PEAK1: variants seen among roughly 807,000 people sequenced by gnomAD.
PEAK1 encodes the protein inactive tyrosine-protein kinase PEAK1.
In PEAK1, 54 loss-of-function variants were observed where a neutral mutation model predicts 124.7. The observed-to-expected ratio is 0.43, with a 90% CI of 0.35 to 0.54. The LOEUF (loss-of-function observed/expected upper bound fraction) is 0.54. PEAK1 is among the 20% of genes least tolerant of loss of function. The pLI is 0.01. For missense variants in PEAK1, 2,046 were observed against 2,134.5 expected (o/e 0.96, Z 0.82); for synonymous variants, 719 against 760.0 (o/e 0.95, Z 0.89).
chr15:77,225,629 A>ATGTG (rs146458404), intron 6 of PEAK1, among the ~76,000 whole-genome samples: 1,227 of 115,742 alleles, frequency 0.011, 16 homozygotes, highest in African/African-American at 0.033. Context: ...CTTTCTACAG[A>ATGTG]TGTGTGTGTG....
intron 8 of PEAK1, among the ~76,000 whole-genome samples, chr15:77,139,355 T>G (rs2053589500): frequency 6.6e-6 from 1 of 152,100 alleles, no homozygotes; most frequent in African/African-American, 2.4e-5. Flanking sequence ...AAAGTTATGG[T>G]AATAGTACAG....
At chr15:77,170,027 A>G (rs547239789) in intron 7 of PEAK1, among the ~76,000 whole-genome samples, 106 of 152,298 alleles carry the variant, frequency 7.0e-4, no homozygotes, top group Non-Finnish European at 1.1e-3. Context: ...CCGAATATTT[A>G]TAGTTTTAAA....
chr15:77,330,564 C>T (rs2065833085), intron 2 of PEAK1, among the ~76,000 whole-genome samples: 2 of 152,168 alleles, frequency 1.3e-5, no homozygotes, highest in Non-Finnish European at 1.5e-5. Context: ...ATTCTCCTCC[C>T]TGGTTTAACT....
At chr15:77,150,431 A>C (rs2054511476) in intron 8 of PEAK1, among the ~76,000 whole-genome samples, 1 of 152,158 alleles carries the variant, frequency 6.6e-6, no homozygotes, top group Non-Finnish European at 1.5e-5. Context: ...AGGCACTTAG[A>C]ATATTCACAG....
At chr15:77,348,712 C>G in intron 2 of PEAK1, 1 of 983,824 alleles carries the variant, frequency 1.0e-6, no homozygotes, top group South Asian at 4.7e-5. Flanking sequence ...CGGGAAAACC[C>G]AAGGCACCAA....
intron 1 of PEAK1, among the ~76,000 whole-genome samples, chr15:77,405,337 C>T (rs935198661): frequency 3.9e-5 from 6 of 152,110 alleles, no homozygotes; most frequent in African/African-American, 1.4e-4. Context: ...TGTATATATA[C>T]ACAAAAAGGC....
At chr15:77,303,015 C>T (rs1466914385) in intron 2 of PEAK1, among the ~76,000 whole-genome samples, 3 of 152,172 alleles carry the variant, frequency 2.0e-5, no homozygotes, top group African/African-American at 7.2e-5. Flanking sequence ...TATAACTGGA[C>T]TCACAGAGCA....
chr15:77,381,381 T>C (rs1567331800), intron 1 of PEAK1: 1 of 786,828 alleles, frequency 1.3e-6, no homozygotes, highest in Non-Finnish European at 1.5e-6. Context: ...TGCCTGTGAA[T>C]AGCCACTGCA....
intron 8 of PEAK1, among the ~76,000 whole-genome samples, chr15:77,147,228 A>G (rs747402470): frequency 5.3e-5 from 8 of 152,214 alleles, no homozygotes; most frequent in Non-Finnish European, 1.5e-5. Context: ...TCCTGAGCAG[A>G]GCCAGATTTT....
At chr15:77,182,623 A>G (rs1157766020) in intron 6 of PEAK1, among the ~76,000 whole-genome samples, 1 of 151,856 alleles carries the variant, frequency 6.6e-6, no homozygotes, top group African/African-American at 2.4e-5. Flanking sequence ...GTGGTAGCAC[A>G]CACCTATAGT....
chr15:77,386,544 TA>T (rs1426084482), intron 1 of PEAK1, among the ~76,000 whole-genome samples: 1 of 152,064 alleles, frequency 6.6e-6, no homozygotes, highest in African/African-American at 2.4e-5. Flanking sequence ...GCTTTGTTCA[TA>T]CCCATCAGAA....
chr15:77,203,332 C>CA (rs1195587270), intron 6 of PEAK1, among the ~76,000 whole-genome samples: 25 of 152,160 alleles, frequency 1.6e-4, no homozygotes, highest in African/African-American at 4.8e-4. Flanking sequence ...AACATAGAGA[C>CA]AATAAAAATC....
chr15:77,265,834 T>C (rs1165808350), intron 5 of PEAK1, among the ~76,000 whole-genome samples: 4 of 151,998 alleles, frequency 2.6e-5, no homozygotes, highest in African/African-American at 7.3e-5. Flanking sequence ...CTATTCACAA[T>C]AGCAAAGACT....
At chr15:77,341,866 C>T (rs1455574638) in intron 2 of PEAK1, among the ~76,000 whole-genome samples, 1 of 152,102 alleles carries the variant, frequency 6.6e-6, no homozygotes, top group Non-Finnish European at 1.5e-5. Context: ...ATAAGGGAAA[C>T]TGTGTATGGG....
At chr15:77,135,105 T>C (rs921806985) in intron 8 of PEAK1, among the ~76,000 whole-genome samples, 1 of 152,220 alleles carries the variant, frequency 6.6e-6, no homozygotes, top group African/African-American at 2.4e-5. Flanking sequence ...TGCTGACACC[T>C]TGATTTCAGA....
At chr15:77,288,743 C>G (rs2063054692) in intron 2 of PEAK1, among the ~76,000 whole-genome samples, 2 of 151,726 alleles carry the variant, frequency 1.3e-5, no homozygotes, top group Admixed American at 6.6e-5. Flanking sequence ...GAGATCAAGA[C>G]CATGGTGAAA....
At chr15:77,289,905 T>C (rs966874049) in intron 2 of PEAK1, among the ~76,000 whole-genome samples, 11 of 152,182 alleles carry the variant, frequency 7.2e-5, no homozygotes, top group African/African-American at 2.7e-4. Context: ...CTATGAGGTA[T>C]TTCCATGTGA....
intron 1 of PEAK1, among the ~76,000 whole-genome samples, chr15:77,414,411 G>A (rs571021077): frequency 1.4e-5 from 2 of 147,700 alleles, no homozygotes; most frequent in African/African-American, 2.5e-5. Context: ...TGTAAGCGAC[G>A]GGGTTTCACC....
chr15:77,323,581 G>A (rs1035616598), intron 2 of PEAK1, among the ~76,000 whole-genome samples: 3 of 152,170 alleles, frequency 2.0e-5, no homozygotes, highest in Admixed American at 1.3e-4. Flanking sequence ...TACAAGGGAC[G>A]TGAAGGACCT....
Sources: allele counts gnomAD v4.1 joint callset (sites outside exome capture counted in the v4.1 genomes callset), GRCh38; gene constraint gnomAD v4.1.1; transcripts MANE v1.5; gene names NCBI Gene and HGNC (gene_info 2026-07-23, HGNC 2026-07-21).